Variants in PTPN1 observed in about 807,000 individuals in gnomAD.
PTPN1 encodes tyrosine-protein phosphatase non-receptor type 1.
PTPN1 carries 12 observed loss-of-function variants against 59.9 expected under a neutral mutation model. The ratio of observed to expected loss-of-function variants is 0.20; its 90% CI spans 0.13 to 0.32. PTPN1 has a LOEUF of 0.32. Among genes scored for constraint, PTPN1 ranks in the 10% least tolerant of loss-of-function variants. The pLI is 1.00. For missense variants in PTPN1, 356 were observed against 549.2 expected, an observed-to-expected ratio of 0.65 and a Z score of 3.52; for synonymous variants, 178 against 203.6, an observed-to-expected ratio of 0.87 and a Z score of 1.07.
chr20:50,529,914 G>T (rs554093209), intron 1 of PTPN1, among the ~76,000 whole-genome samples: 1 of 151,580 alleles, frequency 6.6e-6, no homozygotes, highest in Non-Finnish European at 1.5e-5. Flanking sequence ...TTGCTCTGTC[G>T]CCCAGGCTGG....
chr20:50,510,645 C>A lies in PTPN1; in HGVS notation c.63+55C>A, dbSNP rs1037164893. 9 of 1,520,944 alleles carry A rather than the reference C, an allele frequency of 5.9e-6. No homozygotes were observed. In the African/African-American group the frequency reaches 1.1e-4, roughly 19 times the overall value. The allele number at this position is 1,520,944 out of a possible 1,614,324, so 94.2% of individuals were successfully genotyped here. On this transcript the variant is annotated intron_variant, in intron 1 of 9. Transcript: ENST00000371621. ...CCTTCGCTTAGGCCGCTTGAACATC[C>A]CCTCAGACCTCCAGGCCCCAGACTC...
At chr20:50,527,282 T>G (rs892500349) in intron 1 of PTPN1, among the ~76,000 whole-genome samples, 1 of 152,224 alleles carries the variant, frequency 6.6e-6, no homozygotes, top group East Asian at 1.9e-4. Context: ...TCGTTCATCT[T>G]CCAGTCACTC....
rs1248075792 is a variant in PTPN1 at position 50,583,935 on chromosome 20, G to GC, written c.*1221dup. ...GAGCAGACCGTGATTTGGAAGAGAG[G>GC]CACCTGCTGGAAACCACACTTCTTG... On this transcript the variant is annotated 3_prime_UTR_variant, in exon 10 of 10. Transcript: ENST00000371621. The GC allele has an allele frequency of 6.6e-6, 1 of 152,572 alleles. No individual in the cohort carries two copies. Among genetic ancestry groups the GC allele is most frequent in the Non-Finnish European group, 1.5e-5 (1 of 68,052 alleles). The allele number at this position is 152,572 out of a possible 1,614,324, so 9.5% of individuals were successfully genotyped here. A position where few individuals can be genotyped will look rare whatever the true frequency, so the allele number is the denominator to read the frequency against.
intron 1 of PTPN1, among the ~76,000 whole-genome samples, chr20:50,524,992 G>A (rs1173962937): frequency 6.6e-6 from 1 of 152,174 alleles, no homozygotes; most frequent in Non-Finnish European, 1.5e-5. Context: ...AAATGGCTAA[G>A]TGATAAGACT....
intron 5 of PTPN1, among the ~76,000 whole-genome samples, chr20:50,575,378 A>T (rs989148634): frequency 6.6e-6 from 1 of 152,108 alleles, no homozygotes; most frequent in South Asian, 2.1e-4. Context: ...AGCTCATCAC[A>T]GTGTCTCCGT....
chr20:50,558,951 T>G (rs2082738123), intron 1 of PTPN1, among the ~76,000 whole-genome samples: 2 of 151,542 alleles, frequency 1.3e-5, no homozygotes, highest in African/African-American at 2.4e-5. Context: ...ATCACTCAGG[T>G]GGAAAAGATG....
chr20:50,522,377 C>T (rs1189864530), intron 1 of PTPN1, among the ~76,000 whole-genome samples: 4 of 152,174 alleles, frequency 2.6e-5, no homozygotes, highest in Admixed American at 6.5e-5. Context: ...TGCACTGAGA[C>T]GGCTACGAAG....
intron 1 of PTPN1, among the ~76,000 whole-genome samples, chr20:50,530,725 C>G (rs1225397042): frequency 6.7e-6 from 1 of 150,236 alleles, no homozygotes; most frequent in Non-Finnish European, 1.5e-5. Flanking sequence ...CAGAGTTTCA[C>G]TCTGTCACCC....
intron 1 of PTPN1, among the ~76,000 whole-genome samples, chr20:50,555,386 G>T (rs963782820): frequency 6.6e-6 from 1 of 152,206 alleles, no homozygotes; most frequent in Non-Finnish European, 1.5e-5. Context: ...GCAGTAGCGG[G>T]GTGGGAGTGG....
intron 1 of PTPN1, among the ~76,000 whole-genome samples, chr20:50,513,318 T>C (rs1325752967): frequency 6.6e-6 from 1 of 152,226 alleles, no homozygotes; most frequent in African/African-American, 2.4e-5. Context: ...ATCCGGTTGC[T>C]TGATTGGGCC....
intron 4 of PTPN1, chr20:50,573,601 G>A (rs946318926): frequency 2.6e-5 from 4 of 152,220 alleles, no homozygotes; most frequent in Non-Finnish European, 5.9e-5. Context: ...ATTTGCCAAA[G>A]AGCTGTTGAC....
intron 5 of PTPN1, among the ~76,000 whole-genome samples, chr20:50,575,655 G>A (rs549164457): frequency 9.2e-5 from 14 of 152,278 alleles, no homozygotes; most frequent in African/African-American, 3.4e-4. Flanking sequence ...CAGGTGCGGT[G>A]GCTCACGTCT....
chr20:50,528,251 C>T (rs1601390124), intron 1 of PTPN1, among the ~76,000 whole-genome samples: 2 of 152,292 alleles, frequency 1.3e-5, no homozygotes, highest in African/African-American at 2.4e-5. Context: ...CTGAAGGCCT[C>T]CTTTCATAGC....
At chr20:50,545,990 A>C (rs1249737956) in intron 1 of PTPN1, among the ~76,000 whole-genome samples, 1 of 152,040 alleles carries the variant, frequency 6.6e-6, no homozygotes, top group Non-Finnish European at 1.5e-5. Context: ...GTGAGCCCTT[A>C]TTGTGCCACT....
chr20:50,517,824 A>G (rs1415039777), intron 1 of PTPN1, among the ~76,000 whole-genome samples: 1 of 152,142 alleles, frequency 6.6e-6, no homozygotes, highest in African/African-American at 2.4e-5. Context: ...TAACCACTTG[A>G]AGTAAAGTTT....
At position 50,584,889 on chromosome 20, in the gene PTPN1, T is replaced by G. The variant is rs1295053770; in HGVS notation, c.*2174T>G. The G allele has an allele frequency of 6.6e-6, 1 of 152,228 alleles. No homozygotes were observed. The highest frequency in any genetic ancestry group is 1.5e-5 in the Non-Finnish European group (1 of 68,032). The allele number at this position is 152,228 out of a possible 1,614,324, so 9.4% of individuals were successfully genotyped here. On this transcript the variant is annotated 3_prime_UTR_variant, in exon 10 of 10. Transcript: ENST00000371621. ...ATCAGCTGGGGTTAGAGTTTTCCACTTCTAAGAATTAACCTCAGCATCCCT... is the reference window on the plus strand; with the variant it reads ...ATCAGCTGGGGTTAGAGTTTTCCACGTCTAAGAATTAACCTCAGCATCCCT...
At chr20:50,561,221 G>A (rs1227813037) in intron 1 of PTPN1, 142 bp from the exon 2 acceptor site, 1 of 634,034 alleles carries the variant, frequency 1.6e-6, no homozygotes, top group East Asian at 2.9e-5. Context: ...TTCCTCCTCG[G>A]TTTTCCCCCA....
intron 7 of PTPN1, 23 bp from the exon 8 acceptor site, chr20:50,579,680 C>T: frequency 6.3e-7 from 1 of 1,596,938 alleles, no homozygotes; most frequent in African/African-American, 1.3e-5. Context: ...ACTAATAGGA[C>T]TTCCTCTTGC....
chr20:50,575,194 G>A (rs754117), intron 5 of PTPN1, among the ~76,000 whole-genome samples: 4,972 of 152,316 alleles, frequency 0.033, 250 homozygotes, highest in African/African-American at 0.11. Flanking sequence ...GCCGCTGAAC[G>A]CGCTGCTCCT....
Sources: gnomAD v4.1 joint callset for allele counts (sites outside exome capture counted in the v4.1 genomes callset) on GRCh38, gnomAD v4.1.1 for gene constraint, MANE v1.5 for transcripts, NCBI Gene and HGNC (gene_info 2026-07-23, HGNC 2026-07-21) for gene names.